Variants in ZMYM2 observed in about 807,000 individuals in gnomAD.
ZMYM2 encodes the protein zinc finger MYM-type containing 2.
In ZMYM2, 56 loss-of-function variants were observed where a neutral mutation model predicts 162.8. The observed-to-expected ratio is 0.34, with a 90% CI of 0.28 to 0.43. ZMYM2 has a LOEUF of 0.43. Ranked by LOEUF, ZMYM2 falls within the 20% of genes least tolerant of loss-of-function variation. ZMYM2 has a pLI of 1.00. For synonymous variants in ZMYM2, 510 were observed against 541.6 expected (o/e 0.94, Z 0.81); for missense variants, 1,275 against 1,621.8 (o/e 0.79, Z 3.67).
intron 6 of ZMYM2, among the ~76,000 whole-genome samples, chr13:20,014,717 C>T (rs191428360): frequency 4.9e-5 from 7 of 143,284 alleles, no homozygotes; most frequent in Admixed American, 2.1e-4. Context: ...TTAGTGATCT[C>T]GTCTTTTTCC....
the ZMYM2 span, among the ~76,000 whole-genome samples, chr13:19,910,524 C>A: frequency 6.9e-6 from 1 of 145,538 alleles, no homozygotes; most frequent in Non-Finnish European, 1.5e-5. Context: ...ACCTTTCTTT[C>A]TCTCTCTCTC....
At chr13:19,970,158 A>G (rs1487308102) in intron 2 of ZMYM2, 1 of 682,022 alleles carries the variant, frequency 1.5e-6, no homozygotes, top group Non-Finnish European at 1.8e-6. Flanking sequence ...ACTAGATCAT[A>G]GATTTGGAAC....
At chr13:19,983,045 A>G (rs1007497119) in intron 2 of ZMYM2, among the ~76,000 whole-genome samples, 1 of 152,178 alleles carries the variant, frequency 6.6e-6, no homozygotes, top group Non-Finnish European at 1.5e-5. Context: ...CAATTATTTT[A>G]CTATATAAAC....
the ZMYM2 span, among the ~76,000 whole-genome samples, chr13:19,876,028 A>AT: frequency 1.3e-5 from 2 of 148,378 alleles, no homozygotes; most frequent in African/African-American, 5.1e-5. Flanking sequence ...TTTGTTCTTA[A>AT]ATTTTTTTTT....
intron 2 of ZMYM2, among the ~76,000 whole-genome samples, chr13:19,978,765 T>A (rs1957023038): frequency 1.3e-5 from 2 of 152,210 alleles, no homozygotes; most frequent in Non-Finnish European, 1.5e-5. Context: ...AAAAAATTAA[T>A]TATAAACCTA....
the ZMYM2 span, among the ~76,000 whole-genome samples, chr13:19,937,442 G>A: frequency 6.9e-6 from 1 of 145,414 alleles, no homozygotes; most frequent in African/African-American, 2.5e-5. Context: ...CCGGCCTACC[G>A]GCCTAGTATT....
intron 2 of ZMYM2, among the ~76,000 whole-genome samples, chr13:19,971,959 T>C (rs1668099008): frequency 6.6e-6 from 1 of 152,094 alleles, no homozygotes; most frequent in Admixed American, 6.5e-5. Flanking sequence ...GGTATTAGGG[T>C]ATTATTTTAA....
intron 7 of ZMYM2, chr13:20,024,922 CG>C (rs1408717678): frequency 1.4e-5 from 3 of 214,874 alleles, no homozygotes; most frequent in African/African-American, 6.8e-5. Context: ...AAGTAGGCAG[CG>C]TAAGTGGTTT....
intron 4 of ZMYM2, among the ~76,000 whole-genome samples, chr13:20,004,681 TC>T (rs71705543): frequency 0.1 from 15,613 of 152,166 alleles, 1,301 homozygotes; most frequent in African/African-American, 0.22. Flanking sequence ...TATACCATAT[TC>T]CCCATAACCC....
At chr13:20,064,875 A>C (rs1956555314) in intron 19 of ZMYM2, among the ~76,000 whole-genome samples, 1 of 151,472 alleles carries the variant, frequency 6.6e-6, no homozygotes, top group African/African-American at 2.4e-5. Context: ...ACTTGTATTG[A>C]TACAAGGTCA....
At chr13:19,959,177 G>GCGGCGGGACGGCGGGA (rs1165952027) in intron 1 of ZMYM2, among the ~76,000 whole-genome samples, 2 of 148,068 alleles carry the variant, frequency 1.4e-5, no homozygotes, top group Non-Finnish European at 3.0e-5. Flanking sequence ...GGCCGGCGGG[G>GCGGCGGGACGGCGGGA]CGGCGGGACG....
chr13:20,014,900 G>T (rs981597812), intron 6 of ZMYM2, among the ~76,000 whole-genome samples: 2 of 151,548 alleles, frequency 1.3e-5, no homozygotes, highest in Non-Finnish European at 2.9e-5. Context: ...GAGTAGCCGG[G>T]ATTACAGGCA....
intron 14 of ZMYM2, among the ~76,000 whole-genome samples, chr13:20,058,098 G>A (rs756163073): frequency 1.2e-4 from 18 of 152,088 alleles, no homozygotes; most frequent in Admixed American, 1.0e-3. Context: ...AAAGTTTGAG[G>A]ATATCTTTGG....
the ZMYM2 span, among the ~76,000 whole-genome samples, chr13:19,877,797 T>C: frequency 6.6e-6 from 1 of 152,330 alleles, no homozygotes; most frequent in Middle Eastern, 3.4e-3. Flanking sequence ...CTTCTGCCGA[T>C]GGACACTAAG....
chr13:20,067,697 T>C (rs1186324657), intron 21 of ZMYM2, among the ~76,000 whole-genome samples: 1 of 152,220 alleles, frequency 6.6e-6, no homozygotes, highest in African/African-American at 2.4e-5. Flanking sequence ...TGTATGCTTC[T>C]GATGTGTTTC....
intron 2 of ZMYM2, among the ~76,000 whole-genome samples, chr13:19,976,400 CTTTTT>C (rs1158604506): frequency 1.3e-5 from 2 of 148,462 alleles, no homozygotes; most frequent in Non-Finnish European, 3.0e-5. Flanking sequence ...CTTTTTTTTT[CTTTTT>C]TATTTTAAAT....
Position 20,088,054 on chromosome 13 carries a change from A to C in ZMYM2, c.*2040A>C, listed in dbSNP as rs1257418824. 1 of 197,558 alleles carries C rather than the reference A, an allele frequency of 5.1e-6. No homozygotes were observed. The highest frequency in any genetic ancestry group is 1.1e-5 in the Non-Finnish European group (1 of 95,142). 12.2% of individuals were successfully genotyped at this position (197,558 alleles called of 1,614,324 possible). A position where few individuals can be genotyped will look rare whatever the true frequency, so the allele number is the denominator to read the frequency against. On this transcript the variant is annotated 3_prime_UTR_variant, in exon 25 of 25. Transcript: ENST00000610343. ...CATGAATTTCTGCCATAGTACTACT[A>C]TCAAGCACCTTGTCTTGCTATTTAC...
intron 7 of ZMYM2, among the ~76,000 whole-genome samples, chr13:20,021,164 G>A (rs560767637): frequency 3.2e-4 from 49 of 151,540 alleles, no homozygotes; most frequent in Admixed American, 8.5e-4. Flanking sequence ...TTTAGTAGAG[G>A]CGGGGTTTCA....
At chr13:19,945,453 T>C in the ZMYM2 span, among the ~76,000 whole-genome samples, 1 of 152,068 alleles carries the variant, frequency 6.6e-6, no homozygotes, top group Non-Finnish European at 1.5e-5. Context: ...GGTTTCACCA[T>C]GTTACCCTGG....
Sources: allele counts gnomAD v4.1 joint callset (sites outside exome capture counted in the v4.1 genomes callset), GRCh38; gene constraint gnomAD v4.1.1; transcripts MANE v1.5; gene names NCBI Gene and HGNC (gene_info 2026-07-23, HGNC 2026-07-21).